HERC2: variants seen among roughly 807,000 people sequenced by gnomAD.
The protein encoded by HERC2 is HECT and RLD domain containing E3 ubiquitin protein ligase 2, also known as E3 ubiquitin-protein ligase HERC2.
A neutral mutation model predicts 537.7 loss-of-function variants in HERC2; 102 were observed. The ratio of observed to expected loss-of-function variants is 0.19; its 90% CI spans 0.16 to 0.22. The LOEUF is 0.22. Ranked by LOEUF, HERC2 falls within the 10% of genes least tolerant of loss-of-function variation. The probability of loss-of-function intolerance (pLI) is 1.00; values close to 1 mark genes in which losing one functional copy is unlikely to be tolerated. For synonymous variants in HERC2, 2,224 were observed against 2,466.2 expected, an observed-to-expected ratio of 0.90 and a Z score of 2.91; for missense variants, 4,236 against 6,198.2, an observed-to-expected ratio of 0.68 and a Z score of 10.63.
At chr15:28,172,726 A>G (rs1032130138) in intron 65 of HERC2, among the ~76,000 whole-genome samples, 8 of 152,204 alleles carry the variant, frequency 5.3e-5, no homozygotes, top group African/African-American at 1.9e-4. Flanking sequence ...CACAACATCA[A>G]AAGTACACTC....
At chr15:28,115,639 G>T in intron 88 of HERC2, 98 bp from the exon 89 acceptor site, 1 of 785,400 alleles carries the variant, frequency 1.3e-6, no homozygotes, top group Non-Finnish European at 2.2e-6. Flanking sequence ...CCACACTCAG[G>T]ACTCAGAGCC....
intron 2 of HERC2, among the ~76,000 whole-genome samples, chr15:28,308,861 T>A (rs1436055569): frequency 6.6e-6 from 1 of 152,260 alleles, no homozygotes; most frequent in Admixed American, 6.5e-5. Flanking sequence ...GATTTGCATA[T>A]GTTGAACCAT....
At chr15:28,249,733 G>C (rs996917275) in intron 20 of HERC2, among the ~76,000 whole-genome samples, 3 of 151,956 alleles carry the variant, frequency 2.0e-5, no homozygotes, top group African/African-American at 7.3e-5. Flanking sequence ...TGCAACCTCC[G>C]CCTCCCGGGT....
chr15:28,211,886 G>A (rs1201318448), intron 43 of HERC2, among the ~76,000 whole-genome samples: 1 of 152,204 alleles, frequency 6.6e-6, no homozygotes, highest in Middle Eastern at 3.2e-3. Flanking sequence ...CCATAGTTAC[G>A]GGTGAAGCCA....
intron 23 of HERC2, 129 bp downstream of exon 23, chr15:28,245,752 T>G (rs1903645660): frequency 2.4e-6 from 2 of 830,278 alleles, no homozygotes; most frequent in Non-Finnish European, 3.8e-6. Context: ...CTCCATTTTT[T>G]ACTTATACTA....
rs376514334 is a variant in HERC2 at position 28,116,650 on chromosome 15, G to A, written c.13609+15C>T. ...AGGCCACAGCGACACAGTCTCAAGC[G>A]GCCGAGAAGCTCACCCAGGAAGCGG... On this transcript the variant is annotated intron_variant, in intron 88 of 92. Coordinates refer to ENST00000261609, the MANE Select transcript of HERC2 (RefSeq NM_004667.6). 3.1e-5 allele frequency: 49 copies of A among 1,597,854 alleles called. No homozygotes were observed. The highest frequency in any genetic ancestry group is 1.9e-4 in the Middle Eastern group (1 of 5,192).
At chr15:28,132,617 T>G (rs755933898) in intron 80 of HERC2, 36 bp downstream of exon 80, 2 of 1,376,164 alleles carry the variant, frequency 1.5e-6, no homozygotes, top group African/African-American at 3.0e-5. Context: ...GTGAGGAGCA[T>G]GCAGCCTCCG....
Position 28,176,760 on chromosome 15 carries a change from G to A in HERC2, c.9441C>T (p.Val3147=). 6.2e-7 allele frequency: 1 copy of A among 1,613,662 alleles called. No homozygotes were observed. Among genetic ancestry groups the A allele is most frequent in the Non-Finnish European group, 8.5e-7 (1 of 1,179,812 alleles). The change falls in exon 62 of 93, where the codon GTC becomes GTT. Residue 3147 remains valine (V), a synonymous_variant. Transcript: ENST00000261609. The surrounding 1 kb of genome is among the most constrained non-coding windows in gnomAD (Gnocchi z 5.0). ...CCTGGATTACTCTGTGACCGAGAAGGACTTTCACCTACTCAATTACAAATT... is the reference window on the plus strand; with the variant it reads ...CCTGGATTACTCTGTGACCGAGAAGAACTTTCACCTACTCAATTACAAATT... ...TTQLKPKMVK[V]LLGHRVIQVA...
intron 65 of HERC2, among the ~76,000 whole-genome samples, chr15:28,173,140 C>T (rs62008729): frequency 0.044 from 6,639 of 152,224 alleles, 210 homozygotes; most frequent in Non-Finnish European, 0.073. Flanking sequence ...TCTGGAACAT[C>T]CACTTTGCAA....
chr15:28,126,508 A>G (rs1265667115), intron 83 of HERC2, among the ~76,000 whole-genome samples: 2 of 152,272 alleles, frequency 1.3e-5, no homozygotes, highest in Admixed American at 6.5e-5. Flanking sequence ...ATGAGTGGAT[A>G]AAGAAAATGT....
At chr15:28,269,703 A>G (rs1567096118) in intron 10 of HERC2, among the ~76,000 whole-genome samples, 1 of 152,226 alleles carries the variant, frequency 6.6e-6, no homozygotes, top group South Asian at 2.1e-4. Flanking sequence ...AAATACTAAT[A>G]TATTTTTAAA....
At chr15:28,197,179 CTG>C (rs1387404533) in intron 50 of HERC2, among the ~76,000 whole-genome samples, 1 of 152,220 alleles carries the variant, frequency 6.6e-6, no homozygotes, top group Non-Finnish European at 1.5e-5. Flanking sequence ...GAACCACCAA[CTG>C]TGGCCATTTT....
At chr15:28,167,308 T>A (rs1894243466) in intron 68 of HERC2, among the ~76,000 whole-genome samples, 1 of 152,212 alleles carries the variant, frequency 6.6e-6, no homozygotes, top group Non-Finnish European at 1.5e-5. Context: ...ACCGTTCCTG[T>A]GGTGTCTGTC....
intron 38 of HERC2, among the ~76,000 whole-genome samples, chr15:28,216,467 C>T (rs1899914928): frequency 6.6e-6 from 1 of 150,486 alleles, no homozygotes; most frequent in African/African-American, 2.4e-5. Context: ...TCCACTACTC[C>T]CTGAATGGAG....
intron 19 of HERC2, among the ~76,000 whole-genome samples, chr15:28,255,650 C>T (rs976750360): frequency 1.4e-4 from 21 of 152,298 alleles, no homozygotes; most frequent in African/African-American, 5.1e-4. Flanking sequence ...GAACAGGTTA[C>T]CTGTTAACTT....
In HERC2 at chr15:28,317,019, A is replaced by G. The variant is rs534551613; in HGVS notation, c.72+4343T>C. 2.7e-4 allele frequency among the ~76,000 whole-genome samples: 41 copies of G among 152,252 alleles called. No homozygotes were observed. The South Asian group carries it at 8.5e-3, about 32-fold the overall frequency. ...CTCGATCTCCTGACCTCAGCCTCCCAAACTGCTAGGATTACAGGCTGAGCC... is the reference window on the plus strand; with the variant it reads ...CTCGATCTCCTGACCTCAGCCTCCCGAACTGCTAGGATTACAGGCTGAGCC... On this transcript the variant is annotated intron_variant, in intron 2 of 92. Coordinates refer to ENST00000261609, the MANE Select transcript of HERC2 (RefSeq NM_004667.6).
chr15:28,142,259 C>T lies in HERC2; in HGVS notation c.11679G>A (p.Leu3893=). The T allele has an allele frequency of 6.2e-7, 1 of 1,614,162 alleles. No homozygotes were observed. The highest frequency in any genetic ancestry group is 8.5e-7 in the Non-Finnish European group (1 of 1,180,026). ...VAVALDKRTP[L]PRLFLDEVAK... ...ATACCTCATCAAGAAACAGACGGGG[C>T]AACGGTGTTCTTTTGTCAAGGGCCA... The change falls in exon 76 of 93, where the codon TTG becomes TTA. Residue 3893 remains leucine (L), a synonymous_variant. Coordinates refer to ENST00000261609, the MANE Select transcript of HERC2 (RefSeq NM_004667.6).
At chr15:28,208,170 A>T (rs184507886) in intron 44 of HERC2, among the ~76,000 whole-genome samples, 312 of 152,268 alleles carry the variant, frequency 2.0e-3, no homozygotes, top group Non-Finnish European at 4.1e-3. Flanking sequence ...TTTCATCCTC[A>T]GCAGGTTTAA....
At position 28,132,735 on chromosome 15, in the gene HERC2, G is replaced by T; in HGVS notation, c.12326C>A (p.Ala4109Asp). The T allele has an allele frequency of 6.2e-7, 1 of 1,609,012 alleles. No homozygotes were observed. Among genetic ancestry groups the T allele is most frequent in the African/African-American group, 1.3e-5 (1 of 74,682 alleles). The part of the protein sequence containing the change: ...GGAHSACVTA[A>D]GDLYTWGKGR... ...TTTGCCCCATGTGTAGAGGTCCCCG[G>T]CTGCTGTGACACAGGCGCTGTGGGC... Residue 4109 changes from alanine to aspartate, a missense_variant, in exon 80 of 93, where the codon GCC (alanine) becomes GAC (aspartate). By Grantham distance (126) the Ala-to-Asp change is moderately radical. Around this residue, in one of 27 missense-constraint regions of HERC2, gnomAD observed 94 missense variants for 137.4 expected, o/e 0.68. Transcript: ENST00000261609.
Sources: gnomAD v4.1 joint callset for allele counts (sites outside exome capture counted in the v4.1 genomes callset) on GRCh38, gnomAD v4.1.1 for gene constraint, gnomAD v4.1.1 regional missense constraint, Gnocchi (gnomAD v3.1) non-coding constraint, MANE v1.5 for transcripts, NCBI Gene and HGNC (gene_info 2026-07-23, HGNC 2026-07-21) for gene names.